The following ZNF385D variants were observed in gnomAD, a reference collection of about 807,000 sequenced individuals.
The protein encoded by ZNF385D is zinc finger protein 659.
In ZNF385D, 15 loss-of-function variants were observed where a neutral mutation model predicts 35.8. The observed-to-expected ratio is 0.42, with a 90% CI of 0.28 to 0.64. The LOEUF (loss-of-function observed/expected upper bound fraction) is 0.64, where lower values mean the gene tolerates loss of function less well. Among genes scored for constraint, ZNF385D ranks in the 30% least tolerant of loss-of-function variants. ZNF385D has a pLI of 0.23. For missense variants in ZNF385D, 474 were observed against 494.6 expected (o/e 0.96, Z 0.39); for synonymous variants, 212 against 186.8 (o/e 1.13, Z -1.10).
At chr3:21,636,391 TATA>T (rs1343311188) in intron 2 of ZNF385D, among the ~76,000 whole-genome samples, 1 of 36,628 alleles carries the variant, frequency 2.7e-5, no homozygotes, top group Non-Finnish European at 5.2e-5. Context: ...TATATATATA[TATA>T]TATATATATA....
At chr3:21,990,498 A>G (rs1462318018) in intron 3 of ZNF385D, among the ~76,000 whole-genome samples, 2 of 152,116 alleles carry the variant, frequency 1.3e-5, no homozygotes, top group Non-Finnish European at 2.9e-5. Context: ...GCTCATTTCT[A>G]TTGCTTAAAA....
At chr3:22,116,774 C>A (rs574505424) in intron 3 of ZNF385D, among the ~76,000 whole-genome samples, 1 of 152,084 alleles carries the variant, frequency 6.6e-6, no homozygotes, top group East Asian at 1.9e-4. Flanking sequence ...TATATAGTGA[C>A]AATATCCTCA....
At chr3:21,933,103 G>T (rs1046362307) in intron 3 of ZNF385D, among the ~76,000 whole-genome samples, 4 of 152,166 alleles carry the variant, frequency 2.6e-5, no homozygotes, top group African/African-American at 9.6e-5. Flanking sequence ...TCCCTGTGTG[G>T]TGATGTTCTC....
At chr3:21,543,180 G>C (rs2062239701) in intron 3 of ZNF385D, among the ~76,000 whole-genome samples, 1 of 152,108 alleles carries the variant, frequency 6.6e-6, no homozygotes, top group Non-Finnish European at 1.5e-5. Flanking sequence ...GTGTGGTGGC[G>C]CGCGCCTGTA....
chr3:22,356,603 T>C (rs866880873), intron 2 of ZNF385D, among the ~76,000 whole-genome samples: 7 of 151,950 alleles, frequency 4.6e-5, no homozygotes, highest in Admixed American at 2.6e-4. Context: ...AATATAAAGA[T>C]GTGGTTGCAA....
chr3:21,508,444 T>G (rs1002073060), intron 4 of ZNF385D, among the ~76,000 whole-genome samples: 6 of 152,054 alleles, frequency 3.9e-5, no homozygotes, highest in African/African-American at 1.4e-4. Flanking sequence ...TTCTTTGGGG[T>G]TAATTCTCTT....
chr3:21,453,071 T>C (rs1702562317), intron 4 of ZNF385D, among the ~76,000 whole-genome samples: 1 of 151,774 alleles, frequency 6.6e-6, no homozygotes, highest in Non-Finnish European at 1.5e-5. Flanking sequence ...CCCATACATT[T>C]ATGGCCAATT....
At chr3:21,650,873 T>G (rs1212299244) in intron 2 of ZNF385D, among the ~76,000 whole-genome samples, 1 of 152,078 alleles carries the variant, frequency 6.6e-6, no homozygotes, top group South Asian at 2.1e-4. Context: ...TGATGGGAAG[T>G]TTTTTGCTGT....
intron 3 of ZNF385D, among the ~76,000 whole-genome samples, chr3:21,865,785 G>C (rs1214248552): frequency 6.6e-6 from 1 of 152,036 alleles, no homozygotes; most frequent in African/African-American, 2.4e-5. Flanking sequence ...TCAAGCACCA[G>C]TAATTGATCT....
At chr3:21,903,488 G>A (rs1699517970) in intron 3 of ZNF385D, among the ~76,000 whole-genome samples, 1 of 152,088 alleles carries the variant, frequency 6.6e-6, no homozygotes. Context: ...GCAGTCAAAA[G>A]GCCAAGTATC....
At chr3:21,852,524 T>C (rs1575778103) in intron 3 of ZNF385D, among the ~76,000 whole-genome samples, 1 of 151,930 alleles carries the variant, frequency 6.6e-6, no homozygotes, top group Non-Finnish European at 1.5e-5. Context: ...ATGAATATCA[T>C]GCTAAATGTG....
intron 3 of ZNF385D, among the ~76,000 whole-genome samples, chr3:21,784,064 C>G (rs565338712): frequency 8.5e-5 from 13 of 152,088 alleles, no homozygotes; most frequent in Non-Finnish European, 1.5e-4. Flanking sequence ...CAGTCAGGTT[C>G]TCTCACACAC....
At chr3:21,799,121 T>C (rs943972083) in intron 3 of ZNF385D, among the ~76,000 whole-genome samples, 1 of 152,200 alleles carries the variant, frequency 6.6e-6, no homozygotes, top group Non-Finnish European at 1.5e-5. Context: ...CACTGTAGCA[T>C]GTACTTGATT....
chr3:22,306,110 G>A (rs190188679), intron 2 of ZNF385D, among the ~76,000 whole-genome samples: 13 of 152,140 alleles, frequency 8.5e-5, no homozygotes, highest in South Asian at 6.2e-4. Flanking sequence ...ATTCTCTTTC[G>A]TATTTTCTTC....
At chr3:21,544,615 G>C (rs939304198) in intron 3 of ZNF385D, among the ~76,000 whole-genome samples, 1 of 152,052 alleles carries the variant, frequency 6.6e-6, no homozygotes. Flanking sequence ...TTCAAAAAAA[G>C]GTATTATGTG....
chr3:22,122,025 C>T (rs1338836536), intron 3 of ZNF385D, among the ~76,000 whole-genome samples: 1 of 152,086 alleles, frequency 6.6e-6, no homozygotes, highest in Admixed American at 6.6e-5. Flanking sequence ...GAGATGACAC[C>T]AGCCCAAGGT....
At chr3:22,251,362 G>T (rs1158732726) in intron 2 of ZNF385D, among the ~76,000 whole-genome samples, 2 of 152,118 alleles carry the variant, frequency 1.3e-5, no homozygotes, top group East Asian at 1.9e-4. Context: ...GGTAATGGTT[G>T]TCTTCCACAA....
chr3:22,223,896 C>T (rs898184095), intron 2 of ZNF385D, among the ~76,000 whole-genome samples: 3 of 152,076 alleles, frequency 2.0e-5, no homozygotes, highest in Non-Finnish European at 4.4e-5. Flanking sequence ...CTACATGCCA[C>T]CCTCACTAGA....
At chr3:21,851,520 G>A (rs1384702633) in intron 3 of ZNF385D, among the ~76,000 whole-genome samples, 1 of 151,886 alleles carries the variant, frequency 6.6e-6, no homozygotes, top group Non-Finnish European at 1.5e-5. Flanking sequence ...AATCTCTCGT[G>A]TCCTTAAATA....
Sources: allele counts gnomAD v4.1 joint callset (sites outside exome capture counted in the v4.1 genomes callset), GRCh38; gene constraint gnomAD v4.1.1; transcripts MANE v1.5; gene names NCBI Gene and HGNC (gene_info 2026-07-23, HGNC 2026-07-21).